Variants in FSHR observed in about 807,000 individuals in gnomAD.
The protein encoded by FSHR is follicle stimulating hormone receptor.
In FSHR, 46 loss-of-function variants were observed where a neutral mutation model predicts 52.1. That is an observed-to-expected ratio of 0.88 (90% CI 0.70 to 1.13). The LOEUF (loss-of-function observed/expected upper bound fraction) is 1.13. FSHR is among the 50% of genes most tolerant of loss of function. The pLI is 0.00. For missense variants in FSHR, 964 were observed against 834.6 expected, an observed-to-expected ratio of 1.16 and a Z score of -1.91; for synonymous variants, 399 against 309.6, an observed-to-expected ratio of 1.29 and a Z score of -3.03.
chr2:49,014,307 A>T (rs1455962257), intron 4 of FSHR, among the ~76,000 whole-genome samples: 2 of 152,110 alleles, frequency 1.3e-5, no homozygotes, highest in East Asian at 3.9e-4. Flanking sequence ...TCAGAAAAAG[A>T]TGTGTCTGGA....
chr2:49,112,016 C>A (rs953736881), intron 1 of FSHR, among the ~76,000 whole-genome samples: 4 of 152,200 alleles, frequency 2.6e-5, no homozygotes, highest in African/African-American at 9.7e-5. Flanking sequence ...GGTAACACAG[C>A]TTCCAAGCTG....
chr2:49,053,704 A>AG (rs1668953258), intron 2 of FSHR, among the ~76,000 whole-genome samples: 1 of 152,188 alleles, frequency 6.6e-6, no homozygotes, highest in Non-Finnish European at 1.5e-5. Flanking sequence ...AAGAAAAAAA[A>AG]CAGTCCTTTC....
chr2:49,098,961 A>T (rs1473818560), intron 1 of FSHR, among the ~76,000 whole-genome samples: 1 of 150,294 alleles, frequency 6.7e-6, no homozygotes, highest in East Asian at 1.9e-4. Context: ...CACACATCCC[A>T]CACATACACA....
intron 1 of FSHR, among the ~76,000 whole-genome samples, chr2:49,096,818 C>A (rs1160103839): frequency 6.6e-6 from 1 of 152,156 alleles, no homozygotes. Flanking sequence ...CCCCTTAGTG[C>A]TGTCCTTGTG....
intron 4 of FSHR, among the ~76,000 whole-genome samples, chr2:49,015,511 T>C (rs1446305828): frequency 6.6e-6 from 1 of 152,202 alleles, no homozygotes; most frequent in Non-Finnish European, 1.5e-5. Flanking sequence ...GCCATGTGCG[T>C]CTCTCAGAAG....
chr2:49,024,201 C>A (rs1170352757), intron 2 of FSHR, among the ~76,000 whole-genome samples: 1 of 151,976 alleles, frequency 6.6e-6, no homozygotes, highest in Non-Finnish European at 1.5e-5. Context: ...AATTGGAGAA[C>A]AGAATGGCAC....
At chr2:49,046,964 T>C (rs1023177930) in intron 2 of FSHR, among the ~76,000 whole-genome samples, 6 of 152,202 alleles carry the variant, frequency 3.9e-5, no homozygotes, top group African/African-American at 1.4e-4. Context: ...TGAACCTTGA[T>C]AAATTTCTTG....
At chr2:49,049,824 A>AATAT (rs5831020) in intron 2 of FSHR, among the ~76,000 whole-genome samples, 1,638 of 144,842 alleles carry the variant, frequency 0.011, 48 homozygotes, top group African/African-American at 0.039. Context: ...CCCCTACTCT[A>AATAT]ATATATATAT....
chr2:49,081,348 T>TA lies in FSHR; in HGVS notation c.153-13059dup, dbSNP rs540282763. On this transcript the variant is annotated intron_variant, in intron 1 of 9. Coordinates refer to ENST00000406846, the MANE Select transcript of FSHR (RefSeq NM_000145.4). The stretch of plus-strand genomic sequence containing the variant: ...TAATTGTATCTAAAGTATCTTATAT[T>TA]AAAAAAAAACAAAACTAAGCAATTA... Among the ~76,000 whole-genome samples, 144 of 151,228 alleles carry TA rather than the reference T, an allele frequency of 9.5e-4. 1 individual carries two copies. The South Asian group carries it at 0.022, about 23-fold the overall frequency.
chr2:49,051,163 T>C (rs1668843170), intron 2 of FSHR, among the ~76,000 whole-genome samples: 1 of 152,144 alleles, frequency 6.6e-6, no homozygotes, highest in African/African-American at 2.4e-5. Flanking sequence ...TGATTTTCTG[T>C]TTGGGGCTAT....
At chr2:48,980,902 A>C (rs1379820367) in intron 8 of FSHR, among the ~76,000 whole-genome samples, 1 of 152,188 alleles carries the variant, frequency 6.6e-6, no homozygotes, top group Non-Finnish European at 1.5e-5. Flanking sequence ...CTATAGATTC[A>C]ATATTGTACC....
intron 2 of FSHR, among the ~76,000 whole-genome samples, chr2:49,023,982 C>G (rs1027585492): frequency 2.6e-5 from 4 of 152,006 alleles, no homozygotes; most frequent in Admixed American, 2.0e-4. Flanking sequence ...CTTTAGGGAG[C>G]GAATAAGCAT....
chr2:49,041,800 GA>G (rs200712246), intron 2 of FSHR, among the ~76,000 whole-genome samples: 63 of 144,304 alleles, frequency 4.4e-4, no homozygotes, highest in Admixed American at 4.8e-4. Flanking sequence ...TTAAAGAAGT[GA>G]AAAAAAAAAA....
rs1292001019 is a variant in FSHR at position 48,969,047 on chromosome 2, T to C, written c.669-164A>G. 4.6e-5 allele frequency among the ~76,000 whole-genome samples: 7 copies of C among 152,204 alleles called. No homozygotes were observed. In the East Asian group the frequency reaches 5.8e-4, roughly 13 times the overall value. ...CTTGGCCAGATGGATATTTGGCTAA[T>C]AGGACATTTGGTTCTGTAGGAGTCC... On this transcript the variant is annotated intron_variant, in intron 8 of 9. Transcript: ENST00000406846.
At chr2:49,079,635 G>T (rs1255662608) in intron 1 of FSHR, among the ~76,000 whole-genome samples, 1 of 152,044 alleles carries the variant, frequency 6.6e-6, no homozygotes, top group Non-Finnish European at 1.5e-5. Flanking sequence ...TCAAAAATCA[G>T]TGGTGGACAA....
intron 1 of FSHR, among the ~76,000 whole-genome samples, chr2:49,148,953 G>T (rs760149179): frequency 6.6e-6 from 1 of 151,966 alleles, no homozygotes; most frequent in African/African-American, 2.4e-5. Context: ...ATGACGGTGT[G>T]CAGGCTAGTT....
At chr2:49,043,903 T>C (rs1668567016) in intron 2 of FSHR, among the ~76,000 whole-genome samples, 1 of 152,214 alleles carries the variant, frequency 6.6e-6, no homozygotes, top group Non-Finnish European at 1.5e-5. Flanking sequence ...TCTTTGATAA[T>C]GGAAATCCTA....
chr2:49,094,446 A>T (rs972625305), intron 1 of FSHR, among the ~76,000 whole-genome samples: 1 of 152,134 alleles, frequency 6.6e-6, no homozygotes. Flanking sequence ...TTTATTATTT[A>T]TGTTCTGTTT....
intron 2 of FSHR, among the ~76,000 whole-genome samples, chr2:49,040,825 A>T (rs1220770071): frequency 8.4e-6 from 1 of 118,422 alleles, no homozygotes; most frequent in East Asian, 2.8e-4. Context: ...AGGAGTTAGC[A>T]TACTCAAGGG....
Sources: allele counts gnomAD v4.1 joint callset (sites outside exome capture counted in the v4.1 genomes callset), GRCh38; gene constraint gnomAD v4.1.1; transcripts MANE v1.5; gene names NCBI Gene and HGNC (gene_info 2026-07-23, HGNC 2026-07-21).